PAX5: variants seen among roughly 807,000 people sequenced by gnomAD.
The protein encoded by PAX5 is paired box protein Pax-5.
A neutral mutation model predicts 43.7 loss-of-function variants in PAX5; 9 were observed. The ratio of observed to expected loss-of-function variants is 0.21; its 90% CI spans 0.12 to 0.36. PAX5 has a LOEUF of 0.36. PAX5 is among the 10% of genes least tolerant of loss of function. PAX5 has a pLI of 1.00. For synonymous variants in PAX5, 228 were observed against 214.3 expected (o/e 1.06, Z -0.56); for missense variants, 383 against 532.7 (o/e 0.72, Z 2.77).
Position 36,950,398 on chromosome 9 carries a change from G to A in PAX5, c.780+16151C>T, listed in dbSNP as rs550088692. Among the ~76,000 whole-genome samples, 32 of 152,288 alleles carry A rather than the reference G, an allele frequency of 2.1e-4. 1 individual carries two copies. The South Asian group carries it at 6.2e-3, about 30-fold the overall frequency. Reference sequence around the variant, plus strand: ...GAAGAGAGGAAATGCAACCACATGCGTCACAGAATGCCAAAGCTCAGAGCT... The same window carrying A: ...GAAGAGAGGAAATGCAACCACATGCATCACAGAATGCCAAAGCTCAGAGCT... On this transcript the variant is annotated intron_variant, in intron 6 of 9. Transcript: ENST00000358127.
chr9:36,892,628 T>TC (rs1042797931), intron 7 of PAX5, among the ~76,000 whole-genome samples: 1 of 152,130 alleles, frequency 6.6e-6, no homozygotes, highest in Non-Finnish European at 1.5e-5. Context: ...AAATGCACGC[T>TC]CCCCTGTGAC....
intron 8 of PAX5, among the ~76,000 whole-genome samples, chr9:36,869,899 G>GATGGATGGATGGATGGATAA (rs1825286970): frequency 1.1e-5 from 1 of 89,802 alleles, no homozygotes; most frequent in Non-Finnish European, 2.2e-5. Flanking sequence ...TGGATAAATG[G>GATGGATGGATGGATGGATAA]ATGGATGGAT....
At chr9:36,968,162 G>A (rs887152054) in intron 5 of PAX5, among the ~76,000 whole-genome samples, 3 of 152,200 alleles carry the variant, frequency 2.0e-5, no homozygotes, top group African/African-American at 4.8e-5. Flanking sequence ...GAAGCCCTGG[G>A]GAAAACCAGC....
In PAX5 at chr9:36,923,335, C is replaced by G. The variant is rs756182559; in HGVS notation, c.910+20G>C. Reference sequence around the variant, plus strand: ...CTCTCTCTCTCCCTCACTCATCCCCCATGCCCCAGGTGCCCTCACCTGTCA... The same window carrying G: ...CTCTCTCTCTCCCTCACTCATCCCCGATGCCCCAGGTGCCCTCACCTGTCA... On this transcript the variant is annotated intron_variant, in intron 7 of 9. Transcript: ENST00000358127. The G allele has an allele frequency of 6.2e-7, 1 of 1,605,134 alleles. No homozygotes were observed. Among genetic ancestry groups the G allele is most frequent in the Non-Finnish European group, 8.5e-7 (1 of 1,175,482 alleles).
chr9:36,919,781 A>G (rs1467193769), intron 7 of PAX5, among the ~76,000 whole-genome samples: 3 of 142,568 alleles, frequency 2.1e-5, no homozygotes, highest in East Asian at 4.3e-4. Context: ...CAGAGGTTGC[A>G]GTGAGCCCAG....
chr9:37,002,517 C>T, intron 5 of PAX5, 131 bp downstream of exon 5: 6 of 926,432 alleles, frequency 6.5e-6, no homozygotes, highest in South Asian at 1.7e-5. Context: ...GGACAGCGTG[C>T]GGGCCGGGGG....
At chr9:36,918,909 T>C (rs1016136207) in intron 7 of PAX5, among the ~76,000 whole-genome samples, 3 of 152,196 alleles carry the variant, frequency 2.0e-5, no homozygotes, top group South Asian at 2.1e-4. Flanking sequence ...GCTAAGATCA[T>C]TGATGGAGGT....
chr9:36,942,004 C>T (rs1015558654), intron 6 of PAX5, among the ~76,000 whole-genome samples: 1 of 152,216 alleles, frequency 6.6e-6, no homozygotes, highest in African/African-American at 2.4e-5. Context: ...TAGCAGCACT[C>T]GATCAAGTGC....
In PAX5 at chr9:36,882,033, G is replaced by C; in HGVS notation, c.983C>G (p.Ser328Ter). 6.2e-7 allele frequency: 1 copy of C among 1,613,418 alleles called. No homozygotes were observed. The highest frequency in any genetic ancestry group is 8.5e-7 in the Non-Finnish European group (1 of 1,179,668). ...CACCATCCCTGTCAGCGTCGGTGCT[G>C]AGTAGCTGCCCTGTCCAGCGGGGGG... ...HVPPAGQGSYSAPTLTGMVPG... is the reference protein window; with the variant it reads ...HVPPAGQGSY Residue 328 changes from serine (S) to a stop codon, truncating the protein, a stop_gained, in exon 8 of 10, where the codon TCA (serine) becomes TGA (stop). Transcript: ENST00000358127. LOFTEE classifies it high-confidence loss of function. The surrounding 1 kb of genome is among the most constrained non-coding windows in gnomAD (Gnocchi z 4.4).
At chr9:36,870,732 C>T (rs1383436746) in intron 8 of PAX5, among the ~76,000 whole-genome samples, 1 of 152,202 alleles carries the variant, frequency 6.6e-6, no homozygotes, top group Non-Finnish European at 1.5e-5. Flanking sequence ...CATTTAGGAT[C>T]CTGTGGGAAG....
chr9:36,989,762 G>C (rs1461529813), intron 5 of PAX5, among the ~76,000 whole-genome samples: 1 of 152,226 alleles, frequency 6.6e-6, no homozygotes, highest in Non-Finnish European at 1.5e-5. Context: ...GCAAGGCTCT[G>C]TGTTCTGCTC....
rs531621892 is a variant in PAX5 at position 36,837,659 on chromosome 9, C to A, written c.*2901G>T. ...GAGAGCGGGCGTGTGTGTGTGAGAA[C>A]ATCCGTGTGCATCCATGTGCGCTTG... On this transcript the variant is annotated 3_prime_UTR_variant, in exon 10 of 10. Coordinates refer to ENST00000358127, the MANE Select transcript of PAX5 (RefSeq NM_016734.3). 6.9e-5 allele frequency: 16 copies of A among 233,322 alleles called. No individual in the cohort carries two copies. The highest frequency in any genetic ancestry group is 3.6e-4 in the South Asian group (2 of 5,522). The allele number at this position is 233,322 out of a possible 1,614,324, so 14.5% of individuals were successfully genotyped here.
intron 3 of PAX5, among the ~76,000 whole-genome samples, chr9:37,009,589 A>G (rs1838755446): frequency 6.6e-6 from 1 of 152,184 alleles, no homozygotes. Flanking sequence ...AAAAAAATAG[A>G]AAGAATGAAT....
chr9:36,882,126 A>C lies in PAX5; in HGVS notation c.911-21T>G. The C allele has an allele frequency of 1.3e-6, 2 of 1,557,222 alleles. No individual in the cohort carries two copies. Among genetic ancestry groups the C allele is most frequent in the African/African-American group, 1.4e-5 (1 of 73,442 alleles). ...ACGGCCTGAGGAATCAAAGCAACAA[A>C]TCACAGGGTGAGCATCTTCGCGGCC... On this transcript the variant is annotated intron_variant, in intron 7 of 9. Coordinates refer to ENST00000358127, the MANE Select transcript of PAX5 (RefSeq NM_016734.3). This position sits in a 1 kb window ranked among gnomAD's most constrained non-coding sequence, Gnocchi z 4.4.
intron 6 of PAX5, among the ~76,000 whole-genome samples, chr9:36,951,026 G>A (rs1048092151): frequency 3.9e-5 from 6 of 152,126 alleles, no homozygotes; most frequent in African/African-American, 1.4e-4. Context: ...GCAGGCGTGA[G>A]CCACTGCATG....
intron 7 of PAX5, among the ~76,000 whole-genome samples, chr9:36,910,697 C>G (rs143436342): frequency 6.6e-6 from 1 of 152,162 alleles, no homozygotes; most frequent in Non-Finnish European, 1.5e-5. Flanking sequence ...CAACTGAGAA[C>G]AGCTTTGGGT....
intron 8 of PAX5, among the ~76,000 whole-genome samples, chr9:36,857,306 T>C (rs1391432280): frequency 6.6e-6 from 1 of 152,222 alleles, no homozygotes; most frequent in East Asian, 1.9e-4. Flanking sequence ...TATGTTTCAC[T>C]TTTAGACTCC....
chr9:36,890,363 T>A (rs1293034131), intron 7 of PAX5, among the ~76,000 whole-genome samples: 1 of 151,976 alleles, frequency 6.6e-6, no homozygotes, highest in Non-Finnish European at 1.5e-5. Flanking sequence ...AGGAGGGAGA[T>A]CTTAGCATAC....
intron 5 of PAX5, among the ~76,000 whole-genome samples, chr9:36,987,956 C>T (rs1836582586): frequency 6.6e-6 from 1 of 151,808 alleles, no homozygotes; most frequent in Non-Finnish European, 1.5e-5. Flanking sequence ...GTTCACGGAA[C>T]AAAAGTACTA....
Sources: allele counts gnomAD v4.1 joint callset (sites outside exome capture counted in the v4.1 genomes callset), GRCh38; gene constraint gnomAD v4.1.1; non-coding constraint Gnocchi (gnomAD v3.1); transcripts MANE v1.5; gene names NCBI Gene and HGNC (gene_info 2026-07-23, HGNC 2026-07-21).